The following CCSER1 variants were observed in gnomAD, a reference collection of about 807,000 sequenced individuals.
CCSER1 encodes the protein serine-rich coiled-coil domain-containing protein 1.
CCSER1 carries 41 observed loss-of-function variants against 82.0 expected under a neutral mutation model. That is an observed-to-expected ratio of 0.50 (90% confidence interval 0.39 to 0.65). The LOEUF (loss-of-function observed/expected upper bound fraction) is 0.65. Ranked by LOEUF, CCSER1 falls within the 30% of genes least tolerant of loss-of-function variation. The pLI is 0.00. For synonymous variants in CCSER1, 414 were observed against 383.9 expected (o/e 1.08, Z -0.92); for missense variants, 1,119 against 1,064.2 (o/e 1.05, Z -0.72).
At chr4:90,661,761 C>T (rs13143018) in intron 6 of CCSER1, among the ~76,000 whole-genome samples, 20,250 of 151,938 alleles carry the variant, frequency 0.13, 1,742 homozygotes, top group East Asian at 0.31. Context: ...AGATTTTATA[C>T]ACTGTTTTTG....
intron 1 of CCSER1, among the ~76,000 whole-genome samples, chr4:90,158,892 C>T (rs182077375): frequency 9.9e-5 from 15 of 152,212 alleles, no homozygotes; most frequent in South Asian, 2.1e-4. Context: ...CACTGTCCTG[C>T]GCCCACTATC....
At chr4:90,659,811 G>T (rs1730422284) in intron 6 of CCSER1, among the ~76,000 whole-genome samples, 1 of 151,984 alleles carries the variant, frequency 6.6e-6, no homozygotes, top group Non-Finnish European at 1.5e-5. Context: ...AAAAGTATTT[G>T]CTTGGGATTC....
intron 10 of CCSER1, among the ~76,000 whole-genome samples, chr4:91,482,131 G>A (rs577918879): frequency 1.2e-4 from 18 of 151,980 alleles, no homozygotes; most frequent in South Asian, 2.1e-4. Context: ...GGCCGGGCGC[G>A]GTGGCTCACG....
At chr4:91,026,711 G>A (rs1486104369) in intron 9 of CCSER1, among the ~76,000 whole-genome samples, 4 of 151,916 alleles carry the variant, frequency 2.6e-5, no homozygotes, top group Admixed American at 2.0e-4. Flanking sequence ...TACCATTTTA[G>A]CACTTATTCT....
intron 10 of CCSER1, among the ~76,000 whole-genome samples, chr4:91,562,924 T>G (rs193070426): frequency 3.4e-4 from 52 of 151,558 alleles, no homozygotes; most frequent in African/African-American, 1.2e-3. Flanking sequence ...CAGGAGTGAG[T>G]TTTGAAAATA....
intron 1 of CCSER1, among the ~76,000 whole-genome samples, chr4:90,268,366 A>T (rs1319500953): frequency 6.6e-6 from 1 of 152,176 alleles, no homozygotes; most frequent in Non-Finnish European, 1.5e-5. Flanking sequence ...AGTATAATAA[A>T]ATAGAAACAA....
intron 10 of CCSER1, among the ~76,000 whole-genome samples, chr4:91,193,828 T>TG (rs1225715433): frequency 6.6e-6 from 1 of 151,010 alleles, no homozygotes; most frequent in Non-Finnish European, 1.5e-5. Flanking sequence ...ATTGATTTTT[T>TG]TTTTCAAATG....
At chr4:90,528,789 G>A (rs905388845) in intron 5 of CCSER1, among the ~76,000 whole-genome samples, 6 of 152,158 alleles carry the variant, frequency 3.9e-5, no homozygotes, top group African/African-American at 1.4e-4. Context: ...ATGGGTTGTA[G>A]AGAAGTTTTA....
intron 5 of CCSER1, among the ~76,000 whole-genome samples, chr4:90,506,648 C>T (rs1770729103): frequency 6.6e-6 from 1 of 151,800 alleles, no homozygotes; most frequent in Non-Finnish European, 1.5e-5. Flanking sequence ...GCCTGTAGTC[C>T]CAGCTATTCA....
rs1319418118 is a variant in CCSER1, at chr4:91,013,666, G to A, written c.2173-72284G>A. Among the ~76,000 whole-genome samples the A allele has an allele frequency of 3.3e-5, 4 of 123,036 alleles. 1 individual carries two copies. Among genetic ancestry groups the A allele is most frequent in the African/African-American group, 5.2e-5 (2 of 38,138 alleles). 80.7% of individuals were successfully genotyped at this position (123,036 alleles called of 152,430 possible). Reference sequence around the variant, plus strand: ...CAACCAGGCTGGAGTGCAGTGGCGCGATCTCGGCTCACTGCAAGCTCCGCC... The same window carrying A: ...CAACCAGGCTGGAGTGCAGTGGCGCAATCTCGGCTCACTGCAAGCTCCGCC... On this transcript the variant is annotated intron_variant, in intron 9 of 10. Transcript: ENST00000509176.
rs533415779 is a variant in CCSER1, at chr4:91,349,827, G to C, written c.2218-248745G>C. 3.3e-4 allele frequency among the ~76,000 whole-genome samples: 50 copies of C among 151,790 alleles called. No homozygotes were observed. In the South Asian group the frequency reaches 7.5e-3, roughly 23 times the overall value. On this transcript the variant is annotated intron_variant, in intron 10 of 10. Transcript: ENST00000509176. ...TCCCCTAGAATTTTTTCCACACTGT[G>C]CCTTCAGCAATTTGTCAATTACAGT...
At chr4:90,869,586 T>C (rs1766180668) in intron 8 of CCSER1, among the ~76,000 whole-genome samples, 1 of 151,998 alleles carries the variant, frequency 6.6e-6, no homozygotes, top group African/African-American at 2.4e-5. Context: ...GCCAGTACCA[T>C]GCTGTTTTGG....
intron 3 of CCSER1, among the ~76,000 whole-genome samples, chr4:90,322,414 A>G (rs918342048): frequency 5.3e-5 from 8 of 152,122 alleles, no homozygotes; most frequent in African/African-American, 1.9e-4. Context: ...AGATAATGTG[A>G]TTCCTCCAGT....
chr4:90,511,187 C>T (rs962899442), intron 5 of CCSER1, among the ~76,000 whole-genome samples: 5 of 152,108 alleles, frequency 3.3e-5, no homozygotes, highest in Middle Eastern at 3.4e-3. Flanking sequence ...TGGGAGGCCA[C>T]GGCAAGCAGA....
At position 91,382,683 on chromosome 4, in the gene CCSER1, G is replaced by T. The variant is rs537102340; in HGVS notation, c.2218-215889G>T. 2.6e-5 allele frequency among the ~76,000 whole-genome samples: 4 copies of T among 152,190 alleles called. No individual in the cohort carries two copies. In the East Asian group the frequency reaches 7.7e-4, roughly 29 times the overall value. On this transcript the variant is annotated intron_variant, in intron 10 of 10. Transcript: ENST00000509176. ...GTGAGGCGATCCCTCACCCTCCTTTGGCTCACACTTGGTGGACTGCACCCA... is the reference window on the plus strand; with the variant it reads ...GTGAGGCGATCCCTCACCCTCCTTTTGCTCACACTTGGTGGACTGCACCCA...
chr4:90,879,385 T>C (rs1475981957), intron 8 of CCSER1, among the ~76,000 whole-genome samples: 1 of 152,092 alleles, frequency 6.6e-6, no homozygotes, highest in Non-Finnish European at 1.5e-5. Flanking sequence ...TCTTTGTTCC[T>C]AGCCAAATTC....
chr4:90,658,240 A>T (rs543527260), intron 6 of CCSER1, among the ~76,000 whole-genome samples: 14 of 152,160 alleles, frequency 9.2e-5, no homozygotes, highest in African/African-American at 3.4e-4. Context: ...ATGTTTAATT[A>T]AATAATAGGA....
At chr4:91,522,337 C>G (rs910469817) in intron 10 of CCSER1, among the ~76,000 whole-genome samples, 1 of 152,112 alleles carries the variant, frequency 6.6e-6, no homozygotes, top group Non-Finnish European at 1.5e-5. Context: ...GTTCTTTTTG[C>G]TTAGGATTGT....
chr4:90,935,214 G>C (rs528627498), intron 9 of CCSER1, among the ~76,000 whole-genome samples: 1 of 152,116 alleles, frequency 6.6e-6, no homozygotes, highest in Admixed American at 6.5e-5. Context: ...TTTAATGGGA[G>C]AATGGGGGGT....
Sources: allele counts gnomAD v4.1 joint callset (sites outside exome capture counted in the v4.1 genomes callset), GRCh38; gene constraint gnomAD v4.1.1; transcripts MANE v1.5; gene names NCBI Gene and HGNC (gene_info 2026-07-23, HGNC 2026-07-21).